Variants in TFEC observed in about 807,000 individuals in gnomAD.
TFEC encodes the protein transcription factor EC, also known as class E basic helix-loop-helix protein 34.
Under a neutral mutation model 41.6 loss-of-function variants are expected in TFEC, and 31 were observed. The observed-to-expected ratio is 0.74, with a 90% CI of 0.56 to 1.01. The LOEUF is 1.01. TFEC is among the 50% of genes least tolerant of loss of function. The pLI is 0.00. For synonymous variants in TFEC, 143 were observed against 140.6 expected (o/e 1.02, Z -0.12); for missense variants, 402 against 404.1 (o/e 0.99, Z 0.04).
chr7:115,956,374 T>TA (rs1180834039), intron 4 of TFEC, among the ~76,000 whole-genome samples: 10 of 149,938 alleles, frequency 6.7e-5, no homozygotes, highest in Non-Finnish European at 1.2e-4. Context: ...AAAATGAGCC[T>TA]ATGTTAAATG....
chr7:115,951,185 T>G (rs1409187407), intron 5 of TFEC, among the ~76,000 whole-genome samples: 2 of 152,100 alleles, frequency 1.3e-5, no homozygotes, highest in South Asian at 2.1e-4. Flanking sequence ...CACAAAACAT[T>G]TTTAAAAATT....
At chr7:115,960,478 T>C (rs920021671) in intron 3 of TFEC, among the ~76,000 whole-genome samples, 2 of 151,662 alleles carry the variant, frequency 1.3e-5, no homozygotes, top group Non-Finnish European at 3.0e-5. Context: ...GGTAAAGTGA[T>C]TGCGGAATAA....
chr7:116,104,082 A>G (rs1562970480), intron 3 of TFEC, among the ~76,000 whole-genome samples: 1 of 152,194 alleles, frequency 6.6e-6, no homozygotes, highest in Non-Finnish European at 1.5e-5. Flanking sequence ...GAAAAGGGAG[A>G]ACATTAATAT....
chr7:116,100,721 C>A (rs1325635183), intron 3 of TFEC, among the ~76,000 whole-genome samples: 4 of 151,976 alleles, frequency 2.6e-5, no homozygotes, highest in Non-Finnish European at 5.9e-5. Context: ...ACGGCTGCCA[C>A]AAGGGAGGGA....
chr7:115,986,918 T>TA (rs5886801), intron 1 of TFEC, among the ~76,000 whole-genome samples: 132,225 of 151,864 alleles, frequency 0.87, 57,787 homozygotes, highest in Non-Finnish European at 0.91. Context: ...TAAGTATATA[T>TA]AAAAAAACAT....
intron 1 of TFEC, among the ~76,000 whole-genome samples, chr7:116,115,029 A>T (rs1300313625): frequency 6.6e-6 from 1 of 151,932 alleles, no homozygotes; most frequent in Non-Finnish European, 1.5e-5. Flanking sequence ...AGGTAGATCT[A>T]ATGTCAGTAG....
upstream of TFEC, among the ~76,000 whole-genome samples, chr7:116,033,402 G>C (rs929786341): frequency 1.3e-5 from 2 of 152,086 alleles, no homozygotes; most frequent in Admixed American, 6.6e-5. Context: ...ATAGTACCTA[G>C]AGCAGGGCTA....
chr7:115,997,764 A>G (rs1794425274), intron 1 of TFEC, among the ~76,000 whole-genome samples: 1 of 152,188 alleles, frequency 6.6e-6, no homozygotes, highest in African/African-American at 2.4e-5. Flanking sequence ...AGATTGAAAT[A>G]ATTTTAAGCA....
Position 115,935,185 on chromosome 7 carries a change from A to G in TFEC, c.*5366T>C, listed in dbSNP as rs993130455. On this transcript the variant is annotated 3_prime_UTR_variant, in exon 8 of 8. Coordinates refer to ENST00000265440, the MANE Select transcript of TFEC (RefSeq NM_012252.4). ...TTATAGTCTTTCATTTAATATATGC[A>G]AAGAAAATATTGGTACATTTTAAGG... The G allele has an allele frequency of 1.3e-5, 2 of 151,830 alleles. No individual in the cohort carries two copies. The highest frequency in any genetic ancestry group is 4.8e-5 in the African/African-American group (2 of 41,426). The allele number at this position is 151,830 out of a possible 1,614,324, so 9.4% of individuals were successfully genotyped here. A position where few individuals can be genotyped will look rare whatever the true frequency, so the allele number is the denominator to read the frequency against.
chr7:116,079,789 CAAAAT>C (rs1797046005), intron 3 of TFEC, among the ~76,000 whole-genome samples: 1 of 152,036 alleles, frequency 6.6e-6, no homozygotes, highest in Non-Finnish European at 1.5e-5. Flanking sequence ...TAATTCTCAT[CAAAAT>C]ACCATCAGCA....
chr7:116,049,641 T>A (rs988306601), intron 3 of TFEC, among the ~76,000 whole-genome samples: 9 of 152,336 alleles, frequency 5.9e-5, no homozygotes, highest in African/African-American at 2.2e-4. Flanking sequence ...AATAGACATC[T>A]ACAGAACTCT....
intron 1 of TFEC, among the ~76,000 whole-genome samples, chr7:116,001,999 G>T (rs892953681): frequency 5.9e-5 from 9 of 152,148 alleles, no homozygotes; most frequent in East Asian, 1.9e-4. Context: ...AGTTAAAATG[G>T]CTTTTAATCC....
chr7:116,078,503 T>C (rs1456935224), intron 3 of TFEC, among the ~76,000 whole-genome samples: 1 of 151,784 alleles, frequency 6.6e-6, no homozygotes. Context: ...ACAGGAGATA[T>C]TACAACTGAT....
At chr7:116,152,486 G>T (rs892712361) in intron 1 of TFEC, among the ~76,000 whole-genome samples, 3 of 152,194 alleles carry the variant, frequency 2.0e-5, no homozygotes, top group African/African-American at 7.2e-5. Context: ...TCTTCAAGCG[G>T]GTACTGATCA....
chr7:116,153,427 G>C (rs1381404732), intron 1 of TFEC, among the ~76,000 whole-genome samples: 1 of 152,076 alleles, frequency 6.6e-6, no homozygotes, highest in African/African-American at 2.4e-5. Flanking sequence ...GCTAATTTTT[G>C]TATTTTTAGT....
chr7:116,056,387 G>A (rs1015241452), intron 3 of TFEC, among the ~76,000 whole-genome samples: 1 of 152,116 alleles, frequency 6.6e-6, no homozygotes, highest in Non-Finnish European at 1.5e-5. Flanking sequence ...CAGGGAAAGA[G>A]ATTTAACAGG....
At position 115,939,262 on chromosome 7, in the gene TFEC, T is replaced by C. The variant is rs1171674750; in HGVS notation, c.*1289A>G. ...GTTCTGAGTATGCCTCCATGAATAC[T>C]CATTGATCGGATGATCACTCTTGGA... is the stretch of plus-strand genomic sequence containing the variant. On this transcript the variant is annotated 3_prime_UTR_variant, in exon 8 of 8. Transcript: ENST00000265440. 2 of 152,042 alleles carry C rather than the reference T, an allele frequency of 1.3e-5. No homozygotes were observed. The highest frequency in any genetic ancestry group is 4.8e-5 in the African/African-American group (2 of 41,426). The allele number at this position is 152,042 out of a possible 1,614,324, so 9.4% of individuals were successfully genotyped here. A position where few individuals can be genotyped will look rare whatever the true frequency, so the allele number is the denominator to read the frequency against.
chr7:116,153,266 GT>G (rs1290649571), intron 1 of TFEC, among the ~76,000 whole-genome samples: 1 of 143,150 alleles, frequency 7.0e-6, no homozygotes, highest in Non-Finnish European at 1.6e-5. Context: ...GTTTTGTTTT[GT>G]TTTTTTGAGA....
chr7:116,100,021 T>C lies in TFEC; in HGVS notation c.198+10687A>G, dbSNP rs6974478. Among the ~76,000 whole-genome samples, 1,312 of 152,306 alleles carry C rather than the reference T, an allele frequency of 8.6e-3. 21 individuals are homozygous for C. The highest frequency in any genetic ancestry group is 0.029 in the African/African-American group (1,221 of 41,576). On this transcript the variant is annotated intron_variant, in intron 3 of 8. Coordinates refer to the TFEC transcript ENST00000484212. ...GCATCAATGTAGATGGTATGGGAAATTGAATTTATACAGAACCTAATTTGT... is the reference window on the plus strand; with the variant it reads ...GCATCAATGTAGATGGTATGGGAAACTGAATTTATACAGAACCTAATTTGT...
Sources: gnomAD v4.1 joint callset for allele counts (sites outside exome capture counted in the v4.1 genomes callset) on GRCh38, gnomAD v4.1.1 for gene constraint, MANE v1.5 for transcripts, NCBI Gene and HGNC (gene_info 2026-07-23, HGNC 2026-07-21) for gene names.